Variants in ZNF75A observed in about 807,000 individuals in gnomAD.
ZNF75A encodes the protein zinc finger protein 75A.
ZNF75A carries 36 observed loss-of-function variants against 46.3 expected under a neutral mutation model. The observed-to-expected ratio is 0.78, with a 90% CI of 0.60 to 1.03. The LOEUF (loss-of-function observed/expected upper bound fraction) is 1.03, where lower values mean the gene tolerates loss of function less well. ZNF75A is among the 50% of genes least tolerant of loss of function. The pLI is 0.00. For synonymous variants in ZNF75A, 234 were observed against 189.9 expected (o/e 1.23, Z -1.91); for missense variants, 595 against 551.3 (o/e 1.08, Z -0.79).
Position 3,311,835 on chromosome 16 carries a change from A to G in ZNF75A, c.491A>G (p.Glu164Gly). The G allele has an allele frequency of 9.6e-7, 1 of 1,045,968 alleles. No individual in the cohort carries two copies. Among genetic ancestry groups the G allele is most frequent in the Non-Finnish European group, 1.2e-6 (1 of 861,030 alleles). 64.8% of individuals were successfully genotyped at this position (1,045,968 alleles called of 1,614,324 possible). A position where few individuals can be genotyped will look rare whatever the true frequency, so the allele number is the denominator to read the frequency against. The change falls in exon 3 of 7, where the codon GAG becomes GGG. Residue 164 changes from glutamate (E) to glycine (G), a missense_variant. By Grantham distance (98) the Glu-to-Gly change is moderately conservative. Coordinates refer to ENST00000669516, the MANE Select transcript of ZNF75A (RefSeq NM_001302109.2). ...EASSFGLKPT[E>G]SQPVGVSQDE... ...TCAAGTTTCGGGCTGAAGCCAACAG[A>G]GTCCCAACCAGTGGGCGTATCCCAA...
In ZNF75A at chr16:3,305,510, A is replaced by C. The variant is rs1333019204; in HGVS notation, c.-250A>C. On this transcript the variant is annotated 5_prime_UTR_variant, in exon 1 of 7. Coordinates refer to ENST00000669516, the MANE Select transcript of ZNF75A (RefSeq NM_001302109.2). ...CTTCCGGCCGGCGCTCTGGCTCTGT[A>C]CCTGGACAGGGCTGCGGTAGGCCAG... is the stretch of plus-strand genomic sequence containing the variant. 1 of 152,286 alleles carries C rather than the reference A, an allele frequency of 6.6e-6. No individual in the cohort carries two copies. Among genetic ancestry groups the C allele is most frequent in the Non-Finnish European group, 1.5e-5 (1 of 68,118 alleles). 9.4% of individuals were successfully genotyped at this position (152,286 alleles called of 1,614,324 possible).
chr16:3,313,884 G>A (rs976249253), intron 5 of ZNF75A, among the ~76,000 whole-genome samples: 1 of 152,124 alleles, frequency 6.6e-6, no homozygotes, highest in Non-Finnish European at 1.5e-5. Flanking sequence ...CCCTTGCTCA[G>A]TCCTCACCAG....
intron 2 of ZNF75A, among the ~76,000 whole-genome samples, chr16:3,310,017 C>G (rs1379601904): frequency 6.6e-6 from 1 of 151,770 alleles, no homozygotes; most frequent in East Asian, 1.9e-4. Flanking sequence ...ATTGCTTGAC[C>G]CAGAAGTTTG....
At chr16:3,312,980 C>G (rs1960925551) in intron 4 of ZNF75A, 69 bp from the exon 5 acceptor site, 3 of 1,515,372 alleles carry the variant, frequency 2.0e-6, no homozygotes, top group Admixed American at 2.4e-5. Flanking sequence ...CTGGCCAATT[C>G]ATAGCCAGGT....
At chr16:3,314,947 G>A (rs1258597194) in intron 5 of ZNF75A, 4 of 985,278 alleles carry the variant, frequency 4.1e-6, no homozygotes, top group African/African-American at 3.5e-5. Context: ...ACCTCTGTGA[G>A]AGGGTCTCAG....
chr16:3,320,476 C>A (rs1228877691), downstream of ZNF75A, among the ~76,000 whole-genome samples: 1 of 152,180 alleles, frequency 6.6e-6, no homozygotes, highest in Non-Finnish European at 1.5e-5. Context: ...CCCGTGGATA[C>A]TAAACTGAGC....
rs887962690 is a variant in ZNF75A, at chr16:3,317,563, T to C, written c.1308T>C (p.Asp436=). Residue 436 remains aspartate (D), a synonymous_variant, in exon 7 of 7, where the codon GAT becomes GAC. Coordinates refer to ENST00000669516, the MANE Select transcript of ZNF75A (RefSeq NM_001302109.2). Reference sequence around the variant, plus strand: ...AACCCTATAAATGTCAACAGTGTGATAAGAGGTTTAGATGGAGTTCAGATC... The same window carrying C: ...AACCCTATAAATGTCAACAGTGTGACAAGAGGTTTAGATGGAGTTCAGATC... ...EEKPYKCQQC[D]KRFRWSSDLN... The C allele has an allele frequency of 5.0e-6, 8 of 1,614,104 alleles. No individual in the cohort carries two copies. Among genetic ancestry groups the C allele is most frequent in the Non-Finnish European group, 5.9e-6 (7 of 1,180,006 alleles).
intron 3 of ZNF75A, chr16:3,312,243 C>A (rs1190266599): frequency 6.6e-6 from 1 of 152,288 alleles, no homozygotes; most frequent in African/African-American, 2.4e-5. Flanking sequence ...GGCTTGGGGC[C>A]ACTTCATCCT....
intron 4 of ZNF75A, 112 bp downstream of exon 4, chr16:3,312,880 G>T: frequency 8.5e-7 from 1 of 1,170,732 alleles, no homozygotes; most frequent in Admixed American, 3.0e-5. Flanking sequence ...TGGGCAACTG[G>T]GTACCTCCCA....
In ZNF75A at chr16:3,313,089, AG is replaced by A; in HGVS notation, c.739del (p.Glu247LysfsTer17). The A allele has an allele frequency of 6.2e-7, 1 of 1,613,748 alleles. No individual in the cohort carries two copies. Among genetic ancestry groups the A allele is most frequent in the South Asian group, 1.1e-5 (1 of 91,022 alleles). On this transcript the variant is annotated frameshift_variant, in exon 5 of 7. Transcript: ENST00000669516. LOFTEE classifies it high-confidence loss of function. ...GAAGAAGTGGCCATGTATTTTTCCC[AG>A]GAAGAATGGGAGTTATTGGATCCCA... The part of the protein sequence containing the change: ...TFEEVAMYFS[Q>X]EEWELLDPTQ...
chr16:3,317,907 C>A lies in ZNF75A; in HGVS notation c.*38C>A. On this transcript the variant is annotated 3_prime_UTR_variant, in exon 7 of 7. Coordinates refer to ENST00000669516, the MANE Select transcript of ZNF75A (RefSeq NM_001302109.2). ...CCAGTGTCCTCATTCTGAAGACATT[C>A]ACCAAATGGAGCTTGGCACTAAAAT... The A allele has an allele frequency of 6.6e-7, 1 of 1,526,108 alleles. No individual in the cohort carries two copies. Among genetic ancestry groups the A allele is most frequent in the Non-Finnish European group, 8.8e-7 (1 of 1,138,230 alleles). 94.5% of individuals were successfully genotyped at this position (1,526,108 alleles called of 1,614,324 possible). A position where few individuals can be genotyped will look rare whatever the true frequency, so the allele number is the denominator to read the frequency against.
At position 3,318,338 on chromosome 16, in the gene ZNF75A, G is replaced by A. The variant is rs183519629; in HGVS notation, c.*469G>A. On this transcript the variant is annotated 3_prime_UTR_variant, in exon 7 of 7. Coordinates refer to ENST00000669516, the MANE Select transcript of ZNF75A (RefSeq NM_001302109.2). ...ACTTGAGTTCCTTCTTAAACTTTTC[G>A]GCAACTTCTCTTGGATCCTGTTATC... 51 of 987,974 alleles carry A rather than the reference G, an allele frequency of 5.2e-5. 1 individual carries two copies. The highest frequency in any genetic ancestry group is 1.6e-4 in the African/African-American group (9 of 57,300). 61.2% of individuals were successfully genotyped at this position (987,974 alleles called of 1,614,324 possible).
chr16:3,315,022 A>G, intron 5 of ZNF75A: 4 of 985,012 alleles, frequency 4.1e-6, no homozygotes, highest in Non-Finnish European at 4.8e-6. Context: ...GTGTATCCAG[A>G]TCACCTGGGG....
chr16:3,319,106 C>T (rs1961425700), downstream of ZNF75A, among the ~76,000 whole-genome samples: 4 of 152,178 alleles, frequency 2.6e-5, no homozygotes, highest in South Asian at 8.3e-4. Context: ...CTGACCTCTT[C>T]CAAACCTCTT....
In ZNF75A at chr16:3,317,282, G is replaced by T. The variant is rs745978323; in HGVS notation, c.1027G>T (p.Ala343Ser). Residue 343 changes from alanine to serine, a missense_variant, in exon 7 of 7, where the codon GCC becomes TCC. Coordinates refer to ENST00000669516, the MANE Select transcript of ZNF75A (RefSeq NM_001302109.2). ...QASAGVISKK[A>S]KVKVPQKTAG... ...ATCAGCAGGCGTCATATCAAAAAAG[G>T]CCAAAGTAAAAGTTCCCCAGAAAAC... is the stretch of plus-strand genomic sequence containing the variant. 2.5e-6 allele frequency: 4 copies of T among 1,613,886 alleles called. No homozygotes were observed. Among genetic ancestry groups the T allele is most frequent in the South Asian group, 2.2e-5 (2 of 91,078 alleles).
intron 5 of ZNF75A, chr16:3,315,253 G>A (rs1223964686): frequency 4.6e-6 from 1 of 215,702 alleles, no homozygotes; most frequent in Non-Finnish European, 7.7e-6. Flanking sequence ...GTGCAGTGGT[G>A]CGATCTCAGC....
At chr16:3,320,293 C>T (rs1023267577), downstream of ZNF75A, among the ~76,000 whole-genome samples, 43 of 152,238 alleles carry the variant, frequency 2.8e-4, 1 homozygote, top group African/African-American at 4.8e-5. Context: ...ATCCACCCGC[C>T]TCGGCCTCCC....
downstream of ZNF75A, among the ~76,000 whole-genome samples, chr16:3,321,792 G>A (rs2029954805): frequency 1.3e-5 from 2 of 152,186 alleles, no homozygotes; most frequent in Admixed American, 1.3e-4. Flanking sequence ...AACTGGAGGG[G>A]AAGAACAGGA....
At chr16:3,313,788 G>GA (rs1435134179) in intron 5 of ZNF75A, among the ~76,000 whole-genome samples, 6 of 151,810 alleles carry the variant, frequency 4.0e-5, no homozygotes, top group Non-Finnish European at 5.9e-5. Context: ...CTTACATTCA[G>GA]AAAAAAAAGT....
Sources: allele counts gnomAD v4.1 joint callset (sites outside exome capture counted in the v4.1 genomes callset), GRCh38; gene constraint gnomAD v4.1.1; transcripts MANE v1.5; gene names NCBI Gene and HGNC (gene_info 2026-07-23, HGNC 2026-07-21).